The following CFAP410 variants were observed in gnomAD, a reference collection of about 807,000 sequenced individuals.
The protein encoded by CFAP410 is cilia- and flagella-associated protein 410.
In CFAP410, 27 loss-of-function variants were observed where a neutral mutation model predicts 25.7. That is an observed-to-expected ratio of 1.05 (90% CI 0.77 to 1.45). The LOEUF is 1.45. CFAP410 is among the 40% of genes most tolerant of loss of function. The pLI, the probability that CFAP410 is intolerant of heterozygous loss-of-function variation, is 0.00. For missense variants in CFAP410, 428 were observed against 354.1 expected (o/e 1.21, Z -1.67); for synonymous variants, 178 against 158.4 (o/e 1.12, Z -0.93).
chr21:44,330,963 C>T, intron 5 of CFAP410, 44 bp from the exon 6 acceptor site: 3 of 1,493,294 alleles, frequency 2.0e-6, no homozygotes, highest in Non-Finnish European at 2.7e-6. Context: ...GGGCTCGTGG[C>T]ACCGGGGGGG....
intron 3 of CFAP410, chr21:44,334,409 C>G (rs1235629378): frequency 2.1e-5 from 8 of 385,650 alleles, no homozygotes; most frequent in Non-Finnish European, 4.2e-5. Flanking sequence ...TCAGGTAAGC[C>G]TTTCGGAGGC....
intron 6 of CFAP410, 175 bp from the exon 7 acceptor site, chr21:44,330,501 G>A (rs765804475): frequency 6.5e-7 from 1 of 1,544,684 alleles, no homozygotes; most frequent in African/African-American, 1.4e-5. Flanking sequence ...AGCCCCGCCT[G>A]TGGACGCGTG....
Position 44,330,022 on chromosome 21 carries a change from A to G in CFAP410, c.*176T>C. 1.5e-6 allele frequency: 1 copy of G among 668,410 alleles called. No individual in the cohort carries two copies. Among genetic ancestry groups the G allele is most frequent in the East Asian group, 2.8e-5 (1 of 36,016 alleles). 41.4% of individuals were successfully genotyped at this position (668,410 alleles called of 1,614,324 possible). A position where few individuals can be genotyped will look rare whatever the true frequency, so the allele number is the denominator to read the frequency against. ...AGGACTGGTGTAGACAGGCATCTCCACCGCCCCGGTTAGCCAGTACCTAAC... is the reference window on the plus strand; with the variant it reads ...AGGACTGGTGTAGACAGGCATCTCCGCCGCCCCGGTTAGCCAGTACCTAAC... On this transcript the variant is annotated 3_prime_UTR_variant, in exon 7 of 7. Coordinates refer to ENST00000339818, the MANE Select transcript of CFAP410 (RefSeq NM_004928.3).
chr21:44,338,029 C>A (rs2047786879), intron 1 of CFAP410, among the ~76,000 whole-genome samples: 1 of 152,164 alleles, frequency 6.6e-6, no homozygotes, highest in South Asian at 2.1e-4. Context: ...AGGTCAAGTT[C>A]AAAGGGTGAA....
In CFAP410 at chr21:44,331,943, C is replaced by T. The variant is rs766367624; in HGVS notation, c.445G>A (p.Gly149Ser). ...AGCTTGGGGCCGCCGTGGCCTGTGC[C>T]CTCTCTCTCTGGGGCCGCAGTGATC... ...EEITAAPERE[G>S]TGHGGPKLCC... is the part of the protein sequence containing the mutation. Residue 149 changes from glycine (G) to serine (S), a missense_variant, in exon 5 of 7, where the codon GGC becomes AGC. Transcript: ENST00000339818. The T allele has an allele frequency of 4.6e-5, 74 of 1,613,210 alleles. No individual in the cohort carries two copies. Among genetic ancestry groups the T allele is most frequent in the Non-Finnish European group, 5.7e-5 (67 of 1,179,670 alleles).
intron 3 of CFAP410, chr21:44,334,025 C>A: frequency 2.3e-6 from 1 of 441,506 alleles, no homozygotes. Context: ...TCCCAGGTCT[C>A]ATGCAGCTCC....
Position 44,329,257 on chromosome 21 carries a change from CTCGG to C in CFAP410, c.*937_*940del, listed in dbSNP as rs2047595458. The C allele has an allele frequency of 6.6e-6, 1 of 152,394 alleles. No homozygotes were observed. The highest frequency in any genetic ancestry group is 2.4e-5 in the African/African-American group (1 of 41,572). 9.4% of individuals were successfully genotyped at this position (152,394 alleles called of 1,614,324 possible). A position where few individuals can be genotyped will look rare whatever the true frequency, so the allele number is the denominator to read the frequency against. On this transcript the variant is annotated 3_prime_UTR_variant, in exon 7 of 7. Transcript: ENST00000339818. ...CTGCACACACGGTCACGCATCACCG[CTCGG>C]CGGAGGATGGGAATATCTCATGGAG... is the stretch of plus-strand genomic sequence containing the variant.
At chr21:44,334,464 G>A (rs1417379709) in intron 3 of CFAP410, 15 of 173,832 alleles carry the variant, frequency 8.6e-5, no homozygotes, top group Admixed American at 2.4e-4. Context: ...CTAGTGAAAC[G>A]AGCCCCGCGG....
chr21:44,331,747 A>G, intron 5 of CFAP410, 96 bp downstream of exon 5: 37 of 1,188,046 alleles, frequency 3.1e-5, no homozygotes, highest in Non-Finnish European at 4.2e-5. Context: ...CTCACTTCCC[A>G]GAGACGCAGC....
At chr21:44,330,485 CAG>C (rs2047624454) in intron 6 of CFAP410, 159 bp from the exon 7 acceptor site, 2 of 1,538,328 alleles carry the variant, frequency 1.3e-6, no homozygotes, top group Admixed American at 2.0e-5. Context: ...AGAATCTGAG[CAG>C]AGGAGCCCCG....
intron 6 of CFAP410, 91 bp downstream of exon 6, chr21:44,330,732 C>T (rs1568984687): frequency 1.3e-6 from 2 of 1,550,562 alleles, no homozygotes; most frequent in Non-Finnish European, 1.7e-6. Context: ...CCCACGGGGC[C>T]CTGTGAGGCT....
Position 44,332,689 on chromosome 21 carries a change from C to T in CFAP410, c.373+344G>A, listed in dbSNP as rs73374018. The T allele has an allele frequency of 8.8e-3, 2,715 of 308,972 alleles. 78 individuals are homozygous for T. The highest frequency in any genetic ancestry group is 0.052 in the African/African-American group (2,502 of 47,818). The allele number at this position is 308,972 out of a possible 1,614,324, so 19.1% of individuals were successfully genotyped here. On this transcript the variant is annotated intron_variant, in intron 4 of 6. Transcript: ENST00000339818. ...TGCGATGCTGCTTGCCAGATACTGA[C>T]GCCCCCGCTCGCCATGGCGCATGGC...
At chr21:44,335,632 A>G in intron 3 of CFAP410, 126 bp downstream of exon 3, 1 of 743,910 alleles carries the variant, frequency 1.3e-6, no homozygotes, top group South Asian at 1.7e-5. Flanking sequence ...CCCCTTCTGG[A>G]AGCCGCCCTC....
chr21:44,333,539 G>A (rs948580650), intron 3 of CFAP410: 1 of 541,704 alleles, frequency 1.8e-6, no homozygotes, highest in Admixed American at 3.3e-5. Context: ...GGGCGCTAGA[G>A]TGCGGGAGGT....
intron 4 of CFAP410, 37 bp from the exon 5 acceptor site, chr21:44,332,051 T>G: frequency 6.4e-7 from 1 of 1,559,900 alleles, no homozygotes; most frequent in Non-Finnish European, 8.7e-7. Context: ...ATGAGTGGCC[T>G]CACCCACGTG....
At position 44,333,051 on chromosome 21, in the gene CFAP410, G is replaced by T; in HGVS notation, c.355C>A (p.Gln119Lys). Reference protein sequence around the residue: ...MTVLRTLPRLQKLDNQAVTEE... With the variant: ...MTVLRTLPRLKKLDNQAVTEE... ...CACCTACCCTGGTTGTCCAGCTTCT[G>T]TAGGCGCGGCAGGGTGCGCAGCACG... Residue 119 changes from glutamine (Q) to lysine (K), a missense_variant, in exon 4 of 7, where the codon CAG (glutamine) becomes AAG (lysine). Physicochemically the swap from Gln to Lys is moderately conservative, Grantham distance 53. Transcript: ENST00000339818. The T allele has an allele frequency of 6.3e-7, 1 of 1,595,142 alleles. No individual in the cohort carries two copies. Among genetic ancestry groups the T allele is most frequent in the Non-Finnish European group, 8.6e-7 (1 of 1,167,170 alleles).
Position 44,332,020 on chromosome 21 carries a change from G to C in CFAP410, c.374-6C>G. 6.3e-7 allele frequency: 1 copy of C among 1,593,590 alleles called. No individual in the cohort carries two copies. The highest frequency in any genetic ancestry group is 8.6e-7 in the Non-Finnish European group (1 of 1,168,510). Reference sequence around the variant, plus strand: ...CAGCTCCTCCTCCGTCACAGCTTTGGGATGAAAGACAGAAGACAGCATGAG... The same window carrying C: ...CAGCTCCTCCTCCGTCACAGCTTTGCGATGAAAGACAGAAGACAGCATGAG... On this transcript the variant is annotated splice_polypyrimidine_tract_variant and splice_region_variant and intron_variant, in intron 4 of 6. Coordinates refer to ENST00000339818, the MANE Select transcript of CFAP410 (RefSeq NM_004928.3).
chr21:44,338,221 G>A (rs529208649), intron 1 of CFAP410: 43 of 1,199,554 alleles, frequency 3.6e-5, no homozygotes, highest in Middle Eastern at 4.6e-4. Flanking sequence ...TTAATTAACA[G>A]GGAAGAGCTC....
At chr21:44,330,351 A>T (rs1019154843) in intron 6 of CFAP410, 25 bp from the exon 7 acceptor site, 2 of 1,600,490 alleles carry the variant, frequency 1.2e-6, no homozygotes, top group Middle Eastern at 1.7e-4. Context: ...GTGCGGACTA[A>T]GCCCACCCGG....
Sources: gnomAD v4.1 joint callset for allele counts (sites outside exome capture counted in the v4.1 genomes callset) on GRCh38, gnomAD v4.1.1 for gene constraint, MANE v1.5 for transcripts, NCBI Gene and HGNC (gene_info 2026-07-23, HGNC 2026-07-21) for gene names.